The following SLC14A2 variants were observed in gnomAD, a reference collection of about 807,000 sequenced individuals.
The protein encoded by SLC14A2 is urea transporter 2.
A neutral mutation model predicts 104.6 loss-of-function variants in SLC14A2; 91 were observed. The observed-to-expected ratio is 0.87, with a 90% CI of 0.73 to 1.04. SLC14A2 has a LOEUF of 1.04. SLC14A2 is among the 50% of genes least tolerant of loss of function. The probability of loss-of-function intolerance (pLI) is 0.00; values close to 1 mark genes in which losing one functional copy is unlikely to be tolerated. For missense variants in SLC14A2, 1,189 were observed against 1,156.0 expected (o/e 1.03, Z -0.41); for synonymous variants, 476 against 466.4 (o/e 1.02, Z -0.27).
chr18:45,639,370 C>A (rs574066153), intron 6 of SLC14A2, among the ~76,000 whole-genome samples: 8 of 152,280 alleles, frequency 5.3e-5, no homozygotes, highest in African/African-American at 1.9e-4. Flanking sequence ...TTCAATATTC[C>A]TAGAATATTT....
At chr18:45,348,471 A>G (rs1307919862) in intron 1 of SLC14A2, among the ~76,000 whole-genome samples, 2 of 152,166 alleles carry the variant, frequency 1.3e-5, no homozygotes, top group East Asian at 3.9e-4. Flanking sequence ...TAAAGTAAAG[A>G]TATTGCACCA....
chr18:45,259,886 A>T (rs976255186), intron 1 of SLC14A2, among the ~76,000 whole-genome samples: 1 of 152,212 alleles, frequency 6.6e-6, no homozygotes, highest in African/African-American at 2.4e-5. Flanking sequence ...AAGAGAAAAA[A>T]TAACGGTAGA....
intron 2 of SLC14A2, among the ~76,000 whole-genome samples, chr18:45,486,697 C>A (rs1300026158): frequency 2.0e-5 from 3 of 152,130 alleles, no homozygotes; most frequent in Non-Finnish European, 4.4e-5. Flanking sequence ...AAAAGAGTAT[C>A]TCACTCCTCA....
At chr18:45,535,941 T>C (rs1167009467) in intron 2 of SLC14A2, among the ~76,000 whole-genome samples, 3 of 152,160 alleles carry the variant, frequency 2.0e-5, no homozygotes, top group African/African-American at 7.2e-5. Flanking sequence ...AACATGGCAA[T>C]GAATGAGCAA....
rs567472047 is a variant in SLC14A2 at position 45,504,409 on chromosome 18, C to A, written c.-35+21087C>A. ...TAATGAATTGCCAGTGAACCATTTG[C>A]CAGACCACAGCCATATGGTAAGGGA... On this transcript the variant is annotated intron_variant, in intron 2 of 20. Coordinates refer to the SLC14A2 transcript ENST00000586448. Among the ~76,000 whole-genome samples the A allele has an allele frequency of 5.3e-5, 8 of 152,224 alleles. 1 individual carries two copies. The highest frequency in any genetic ancestry group is 1.9e-4 in the African/African-American group (8 of 41,546).
At chr18:45,445,057 T>G (rs887117665) in intron 1 of SLC14A2, among the ~76,000 whole-genome samples, 1 of 150,648 alleles carries the variant, frequency 6.6e-6, no homozygotes, top group Non-Finnish European at 1.5e-5. Context: ...ATCTTGTAGG[T>G]AAGGGAGTAA....
intron 1 of SLC14A2, among the ~76,000 whole-genome samples, chr18:45,413,395 ATG>A (rs1245425445): frequency 6.6e-6 from 1 of 152,184 alleles, no homozygotes; most frequent in African/African-American, 2.4e-5. Context: ...GTGTTGCAAT[ATG>A]ATGAGGAGGC....
intron 10 of SLC14A2, chr18:45,646,997 G>A (rs1007787092): frequency 6.6e-6 from 1 of 152,122 alleles, no homozygotes; most frequent in Admixed American, 6.5e-5. Context: ...TGGAGAGAAA[G>A]GGACTTTAGA....
chr18:45,576,483 C>A (rs1037252491), intron 2 of SLC14A2, among the ~76,000 whole-genome samples: 1 of 151,900 alleles, frequency 6.6e-6, no homozygotes, highest in Admixed American at 6.6e-5. Flanking sequence ...ACGGGTTTCA[C>A]CATATTGGCC....
chr18:45,582,430 G>C (rs531990193), intron 2 of SLC14A2, among the ~76,000 whole-genome samples: 2 of 151,910 alleles, frequency 1.3e-5, no homozygotes, highest in Non-Finnish European at 2.9e-5. Flanking sequence ...AGATAAGAAA[G>C]GATTTTTTCT....
chr18:45,235,895 G>GTATA (rs2084226165), intron 1 of SLC14A2, among the ~76,000 whole-genome samples: 1 of 106,332 alleles, frequency 9.4e-6, no homozygotes, highest in African/African-American at 3.8e-5. Flanking sequence ...ATATATGTGT[G>GTATA]TATGTATGTA....
intron 1 of SLC14A2, among the ~76,000 whole-genome samples, chr18:45,388,673 G>A (rs1736009853): frequency 6.6e-6 from 1 of 152,070 alleles, no homozygotes; most frequent in Non-Finnish European, 1.5e-5. Context: ...TTAAGAATAG[G>A]AATTCCACTC....
At chr18:45,204,090 T>C in the SLC14A2 span, among the ~76,000 whole-genome samples, 1 of 152,206 alleles carries the variant, frequency 6.6e-6, no homozygotes, top group East Asian at 1.9e-4. Flanking sequence ...TTGTGGTATA[T>C]TTAATAATGT....
chr18:45,500,532 G>A (rs946477203), intron 2 of SLC14A2, among the ~76,000 whole-genome samples: 1 of 143,790 alleles, frequency 7.0e-6, no homozygotes, highest in Non-Finnish European at 1.5e-5. Flanking sequence ...AGCCGAGATC[G>A]CGCCACTGCA....
intron 1 of SLC14A2, among the ~76,000 whole-genome samples, chr18:45,296,344 A>G (rs1179640994): frequency 6.6e-6 from 1 of 152,080 alleles, no homozygotes; most frequent in Admixed American, 6.6e-5. Flanking sequence ...AGACCCTAAA[A>G]CTTCTCTGCT....
intron 1 of SLC14A2, among the ~76,000 whole-genome samples, chr18:45,290,239 T>C (rs1244007307): frequency 2.0e-5 from 3 of 152,166 alleles, no homozygotes; most frequent in Non-Finnish European, 2.9e-5. Flanking sequence ...AATAGGTAGT[T>C]TGTCAACACT....
chr18:45,509,920 G>A (rs968899635), intron 2 of SLC14A2, among the ~76,000 whole-genome samples: 6 of 152,170 alleles, frequency 3.9e-5, no homozygotes, highest in African/African-American at 1.4e-4. Flanking sequence ...GAGAGACCTT[G>A]GAGAGGATCC....
chr18:45,367,643 A>G (rs1047979165), intron 1 of SLC14A2, among the ~76,000 whole-genome samples: 18 of 152,184 alleles, frequency 1.2e-4, no homozygotes, highest in African/African-American at 4.3e-4. Flanking sequence ...TGTGAACATC[A>G]TTCCCCAACT....
chr18:45,383,576 T>C (rs2085861789), intron 1 of SLC14A2, among the ~76,000 whole-genome samples: 1 of 152,160 alleles, frequency 6.6e-6, no homozygotes, highest in African/African-American at 2.4e-5. Context: ...ATGTAGGCAA[T>C]ATTTACATGT....
Sources: allele counts gnomAD v4.1 joint callset (sites outside exome capture counted in the v4.1 genomes callset), GRCh38; gene constraint gnomAD v4.1.1; transcripts MANE v1.5; gene names NCBI Gene and HGNC (gene_info 2026-07-23, HGNC 2026-07-21).